The following AR variants were observed in gnomAD, a reference collection of about 807,000 sequenced individuals.
AR encodes the protein androgen receptor.
A neutral mutation model predicts 53.9 loss-of-function variants in AR; 8 were observed. That is an observed-to-expected ratio of 0.15 (90% CI 0.09 to 0.27). The LOEUF (loss-of-function observed/expected upper bound fraction) is 0.27, where lower values mean the gene tolerates loss of function less well. Ranked by LOEUF, AR falls within the 10% of genes least tolerant of loss-of-function variation. The pLI is 1.00. For missense variants in AR, 639 were observed against 742.5 expected (o/e 0.86, Z 1.62); for synonymous variants, 359 against 316.4 (o/e 1.13, Z -1.43).
chrX:67,633,247 T>C (rs1925256890), intron 1 of AR, among the ~76,000 whole-genome samples: 1 of 112,115 alleles, frequency 8.9e-6, no homozygotes, highest in Non-Finnish European at 1.9e-5. Flanking sequence ...GTAATAAGCA[T>C]GGTACCCAAT....
intron 2 of AR, among the ~76,000 whole-genome samples, chrX:67,666,427 T>C (rs915902785): frequency 4.5e-5 from 5 of 112,159 alleles, no homozygotes; most frequent in Non-Finnish European, 7.5e-5. Flanking sequence ...TACTTTATTG[T>C]ATGTATGTAC....
chrX:67,656,376 G>C (rs1661133570), intron 2 of AR, among the ~76,000 whole-genome samples: 1 of 110,857 alleles, frequency 9.0e-6, no homozygotes, highest in Non-Finnish European at 1.9e-5. Context: ...GATGGGACAT[G>C]ACAGAGAAAA....
At chrX:67,626,885 G>T (rs1250065406) in intron 1 of AR, among the ~76,000 whole-genome samples, 2 of 99,676 alleles carry the variant, frequency 2.0e-5, no homozygotes, top group African/African-American at 3.7e-5. Flanking sequence ...GCGGTGTTTG[G>T]TTTTTTGTTC....
rs1311960941 is a variant in AR at position 67,546,249 on chromosome X, C to T, written c.1103C>T (p.Pro368Leu). Residue 368 changes from proline (P) to leucine (L), a missense_variant, in exon 1 of 8, where the codon CCA becomes CTA. Pro to Leu is a moderately conservative substitution (Grantham distance 98). This residue lies in a region of AR where 423 missense variants were observed against 377.0 expected (regional missense o/e 1.12). Coordinates refer to ENST00000374690, the MANE Select transcript of AR (RefSeq NM_000044.6). ...CAGAGTCGCGACTACTACAACTTTC[C>T]ACTGGCTCTGGCCGGACCGCCGCCC... ...AYQSRDYYNF[P>L]LALAGPPPPP... 2 of 1,210,530 alleles carry T rather than the reference C, an allele frequency of 1.7e-6. No homozygotes were observed. The highest frequency in any genetic ancestry group is 2.2e-5 in the Admixed American group (1 of 46,076).
intron 1 of AR, among the ~76,000 whole-genome samples, chrX:67,630,983 C>A (rs1925062910): frequency 9.0e-6 from 1 of 111,614 alleles, no homozygotes; most frequent in South Asian, 3.8e-4. Flanking sequence ...TCTCTTCTGG[C>A]TTGTAAAGTT....
rs1211738356 is a variant in AR, at chrX:67,546,052, C to T, written c.906C>T (p.Ser302=). 1 of 1,211,193 alleles carries T rather than the reference C, an allele frequency of 8.3e-7. No individual in the cohort carries two copies. The highest frequency in any genetic ancestry group is 1.1e-6 in the Non-Finnish European group (1 of 895,458). The part of the protein sequence containing the change: ...GSLLDDSAGK[S]TEDTAEYSPF... Reference sequence around the variant, plus strand: ...TGCTAGACGACAGCGCAGGCAAGAGCACTGAAGATACTGCTGAGTATTCCC... The same window carrying T: ...TGCTAGACGACAGCGCAGGCAAGAGTACTGAAGATACTGCTGAGTATTCCC... Residue 302 remains serine, a synonymous_variant, in exon 1 of 8, where the codon AGC becomes AGT. Transcript: ENST00000374690.
At chrX:67,602,148 A>C (rs942152452) in intron 1 of AR, among the ~76,000 whole-genome samples, 1 of 112,462 alleles carries the variant, frequency 8.9e-6, no homozygotes, top group Non-Finnish European at 1.9e-5. Flanking sequence ...TAGAAAGGAT[A>C]ATTCTTATTT....
rs574654032 is a variant in AR at position 67,654,185 on chromosome X, T to C, written c.1768+10778T>C. On this transcript the variant is annotated intron_variant, in intron 2 of 7. Coordinates refer to ENST00000374690, the MANE Select transcript of AR (RefSeq NM_000044.6). ...GATAATAATAGCTCACAGAATTATT[T>C]TAAGAACTAAATGATGTGTAATAAA... Among the ~76,000 whole-genome samples the C allele has an allele frequency of 9.9e-5, 11 of 111,418 alleles. No individual in the cohort carries two copies. In the South Asian group the frequency reaches 3.0e-3, roughly 31 times the overall value.
chrX:67,708,325 G>A lies in AR; in HGVS notation c.1886-3077G>A, dbSNP rs766388400. On this transcript the variant is annotated intron_variant, in intron 3 of 7. Transcript: ENST00000374690. The stretch of plus-strand genomic sequence containing the variant: ...TTTTCACATAGTCCCATATTTCTTG[G>A]AGGCTTTGTTCGTTTCTTTTTACTC... 1.9e-4 allele frequency among the ~76,000 whole-genome samples: 21 copies of A among 111,487 alleles called. No homozygotes were observed. In the Admixed American group the frequency reaches 1.9e-3, roughly 10 times the overall value.
rs1182347076 is a variant in AR, at chrX:67,545,469, T to C, written c.323T>C (p.Leu108Pro). 1 of 1,197,463 alleles carries C rather than the reference T, an allele frequency of 8.4e-7. No homozygotes were observed. The highest frequency in any genetic ancestry group is 1.1e-6 in the Non-Finnish European group (1 of 889,437). The change falls in exon 1 of 8, where the codon CTG becomes CCG. Residue 108 changes from leucine to proline, a missense_variant. Leu to Pro is a moderately conservative substitution (Grantham distance 98). Around this residue, in one of 5 missense-constraint regions of AR, gnomAD observed 55 missense variants for 84.8 expected, o/e 0.65. Coordinates refer to ENST00000374690, the MANE Select transcript of AR (RefSeq NM_000044.6). ...QAHRRGPTGY[L>P]VLDEEQQPSQ... ...CATCGTAGAGGCCCCACAGGCTACC[T>C]GGTCCTGGATGAGGAACAGCAACCT...
chrX:67,725,106 T>C lies in AR; in HGVS notation c.*1265T>C. 1 of 176,012 alleles carries C rather than the reference T, an allele frequency of 5.7e-6. No homozygotes were observed. The highest frequency in any genetic ancestry group is 1.1e-5 in the Non-Finnish European group (1 of 91,745). The allele number at this position is 176,012 out of a possible 1,213,427, so 14.5% of individuals were successfully genotyped here. A position where few individuals can be genotyped will look rare whatever the true frequency, so the allele number is the denominator to read the frequency against. On this transcript the variant is annotated 3_prime_UTR_variant, in exon 8 of 8. Coordinates refer to ENST00000374690, the MANE Select transcript of AR (RefSeq NM_000044.6). ...ACCTTATGTCCTCCCTTCAGTGTTTTGTGGGCCTGAATTTCATCACACTGC... is the reference window on the plus strand; with the variant it reads ...ACCTTATGTCCTCCCTTCAGTGTTTCGTGGGCCTGAATTTCATCACACTGC...
At chrX:67,623,187 G>A (rs779626562) in intron 1 of AR, among the ~76,000 whole-genome samples, 47 of 109,366 alleles carry the variant, frequency 4.3e-4, no homozygotes, top group Admixed American at 2.3e-3. Context: ...CCATAAATCC[G>A]CCCTTTCATG....
At chrX:67,653,376 A>T (rs186954679) in intron 2 of AR, among the ~76,000 whole-genome samples, 2 of 111,789 alleles carry the variant, frequency 1.8e-5, no homozygotes, top group African/African-American at 3.2e-5. Context: ...TAATCCCCTG[A>T]GCAGACAGTA....
intron 1 of AR, among the ~76,000 whole-genome samples, chrX:67,618,740 C>A (rs918619120): frequency 9.0e-6 from 1 of 110,718 alleles, no homozygotes; most frequent in African/African-American, 3.3e-5. Flanking sequence ...TGGGCTGAGA[C>A]CTGAGTTATG....
Position 67,711,723 on chromosome X carries a change from G to A in AR, c.2173+34G>A, listed in dbSNP as rs749549552. 8 of 1,173,600 alleles carry A rather than the reference G, an allele frequency of 6.8e-6. No individual in the cohort carries two copies. The Admixed American group carries it at 1.4e-4, about 21-fold the overall frequency. On this transcript the variant is annotated intron_variant, in intron 4 of 7. Transcript: ENST00000374690. ...AAGGGAAGTGGGAGCATGAGATAAGGGGGATCATATTTAGTGAACGCTCCT... is the reference window on the plus strand; with the variant it reads ...AAGGGAAGTGGGAGCATGAGATAAGAGGGATCATATTTAGTGAACGCTCCT...
rs375578707 is a variant in AR, at chrX:67,723,838, G to A, written c.2760G>A (p.Gln920=). 1.5e-5 allele frequency: 18 copies of A among 1,207,402 alleles called. No individual in the cohort carries two copies. In the African/African-American group the frequency reaches 2.6e-4, roughly 18 times the overall value. The change falls in exon 8 of 8, where the codon CAG becomes CAA. Residue 920 remains glutamine (Q), a synonymous_variant. Coordinates refer to ENST00000374690, the MANE Select transcript of AR (RefSeq NM_000044.6). ...TCAAGCCCATCTATTTCCACACCCAGTGAAGCATTGGAAACCCTATTTCCC... is the reference window on the plus strand; with the variant it reads ...TCAAGCCCATCTATTTCCACACCCAATGAAGCATTGGAAACCCTATTTCCC... ...GKVKPIYFHT[Q]
chrX:67,716,762 A>T (rs1322501975), intron 4 of AR, among the ~76,000 whole-genome samples: 5 of 112,078 alleles, frequency 4.5e-5, no homozygotes, highest in African/African-American at 6.5e-5. Context: ...TCCATCTCCC[A>T]GGGTTGTTAG....
intron 3 of AR, among the ~76,000 whole-genome samples, chrX:67,705,005 A>G (rs1170806006): frequency 2.7e-5 from 3 of 111,752 alleles, no homozygotes; most frequent in Non-Finnish European, 5.6e-5. Context: ...ATTGATCTAT[A>G]TCTCTGTTTT....
At chrX:67,689,438 A>G (rs373636418) in intron 3 of AR, 10 of 413,654 alleles carry the variant, frequency 2.4e-5, no homozygotes, top group Non-Finnish European at 3.4e-5. Flanking sequence ...GGCTTTCTCT[A>G]TAGTGTTTCA....
Sources: gnomAD v4.1 joint callset for allele counts (sites outside exome capture counted in the v4.1 genomes callset) on GRCh38, gnomAD v4.1.1 for gene constraint, gnomAD v4.1.1 regional missense constraint, MANE v1.5 for transcripts, NCBI Gene and HGNC (gene_info 2026-07-23, HGNC 2026-07-21) for gene names.